DCHS2: variants seen among roughly 807,000 people sequenced by gnomAD.
DCHS2 encodes dachsous cadherin-related 2.
A neutral mutation model predicts 182.4 loss-of-function variants in DCHS2; 142 were observed. That is an observed-to-expected ratio of 0.78 (90% CI 0.68 to 0.89). The LOEUF (loss-of-function observed/expected upper bound fraction) is 0.89. Ranked by LOEUF, DCHS2 falls within the 40% of genes least tolerant of loss-of-function variation. The probability of loss-of-function intolerance (pLI) is 0.00; values close to 1 mark genes in which losing one functional copy is unlikely to be tolerated. For synonymous variants in DCHS2, 1,740 were observed against 1,663.3 expected (o/e 1.05, Z -1.12); for missense variants, 4,319 against 4,198.6 (o/e 1.03, Z -0.79).
chr4:154,377,177 A>T (rs544987152), intron 2 of DCHS2, 76 bp downstream of exon 2: 2 of 1,398,878 alleles, frequency 1.4e-6, no homozygotes, highest in Admixed American at 4.2e-5. Context: ...GTTGATCATC[A>T]TTGGTCCTCT....
intron 14 of DCHS2, chr4:154,269,396 T>C (rs1733462204): frequency 6.5e-6 from 1 of 153,640 alleles, no homozygotes; most frequent in South Asian, 2.1e-4. Flanking sequence ...TTTTAAACAG[T>C]AATGGTCTTA....
intron 1 of DCHS2, among the ~76,000 whole-genome samples, chr4:154,390,610 C>G (rs981339830): frequency 6.6e-6 from 1 of 152,040 alleles, no homozygotes; most frequent in Non-Finnish European, 1.5e-5. Flanking sequence ...ATGACGCCTA[C>G]TTTCCCAAGT....
At position 154,405,402 on chromosome 4, in the gene DCHS2, T is replaced by A. The variant is rs7681504; in HGVS notation, c.2053-27958A>T. 4.2e-3 allele frequency among the ~76,000 whole-genome samples: 642 copies of A among 151,488 alleles called. 3 individuals are homozygous for A. The highest frequency in any genetic ancestry group is 6.0e-3 in the Non-Finnish European group (408 of 67,860). The stretch of plus-strand genomic sequence containing the variant: ...AATGTTCCTAGATATGGACACTGAT[T>A]TTTTTTCCCAAATTTGGGAGATTAT... On this transcript the variant is annotated intron_variant, in intron 1 of 19. Coordinates refer to ENST00000357232, the MANE Select transcript of DCHS2 (RefSeq NM_001358235.2).
chr4:154,488,101 C>G (rs1248649372), intron 1 of DCHS2, among the ~76,000 whole-genome samples: 1 of 152,130 alleles, frequency 6.6e-6, no homozygotes, highest in Non-Finnish European at 1.5e-5. Flanking sequence ...TCACTTTACC[C>G]TGGGAGGTCC....
intron 13 of DCHS2, among the ~76,000 whole-genome samples, chr4:154,278,942 T>C (rs140883602): frequency 2.6e-5 from 4 of 152,174 alleles, no homozygotes; most frequent in East Asian, 3.9e-4. Flanking sequence ...CAAAAAAATA[T>C]ATACAGCACT....
In DCHS2 at chr4:154,364,634, A is replaced by G. The variant is rs10022173; in HGVS notation, c.2476+1576T>C. 6.8e-3 allele frequency among the ~76,000 whole-genome samples: 1,037 copies of G among 152,342 alleles called. 7 individuals carry two copies. The highest frequency in any genetic ancestry group is 0.024 in the African/African-American group (989 of 41,584). ...AAACAACTAATCCCTGGCCAGTTGC[A>G]CAAGCCAGACAAGGCACAGTTTCCA... is the stretch of plus-strand genomic sequence containing the variant. On this transcript the variant is annotated intron_variant, in intron 3 of 19. Coordinates refer to ENST00000357232, the MANE Select transcript of DCHS2 (RefSeq NM_001358235.2).
At chr4:154,253,694 G>A (rs1732502660) in intron 16 of DCHS2, among the ~76,000 whole-genome samples, 1 of 152,018 alleles carries the variant, frequency 6.6e-6, no homozygotes, top group African/African-American at 2.4e-5. Context: ...GTTAATACAG[G>A]ATAAAGTCTT....
chr4:154,310,775 T>A (rs1735644260), intron 10 of DCHS2, among the ~76,000 whole-genome samples: 1 of 152,152 alleles, frequency 6.6e-6, no homozygotes, highest in Non-Finnish European at 1.5e-5. Context: ...CATCATCTAG[T>A]TGGTAGAGAT....
chr4:154,418,462 A>G (rs1732965223), intron 1 of DCHS2, among the ~76,000 whole-genome samples: 1 of 152,224 alleles, frequency 6.6e-6, no homozygotes. Flanking sequence ...ACCATTTAGA[A>G]AGGATGATTA....
At chr4:154,363,771 C>T (rs1730228423) in intron 3 of DCHS2, among the ~76,000 whole-genome samples, 1 of 152,102 alleles carries the variant, frequency 6.6e-6, no homozygotes, top group Non-Finnish European at 1.5e-5. Flanking sequence ...GATTTAATCG[C>T]TTCACAATAT....
chr4:154,488,529 A>C (rs1423058337), intron 1 of DCHS2, among the ~76,000 whole-genome samples: 1 of 152,186 alleles, frequency 6.6e-6, no homozygotes, highest in Non-Finnish European at 1.5e-5. Context: ...GTGTATAAAG[A>C]TATACACTTG....
intron 1 of DCHS2, among the ~76,000 whole-genome samples, chr4:154,462,165 TTTGG>T (rs1481764526): frequency 1.3e-5 from 2 of 152,338 alleles, no homozygotes; most frequent in East Asian, 3.9e-4. Flanking sequence ...ATAGAGTATC[TTTGG>T]TTGCTCTTTG....
intron 3 of DCHS2, among the ~76,000 whole-genome samples, chr4:154,343,944 T>C (rs1729235361): frequency 6.6e-6 from 1 of 152,206 alleles, no homozygotes; most frequent in Non-Finnish European, 1.5e-5. Context: ...AAGAGAGAGA[T>C]ATGCCACTCT....
intron 15 of DCHS2, among the ~76,000 whole-genome samples, chr4:154,257,993 G>C (rs1430723049): frequency 6.6e-6 from 1 of 152,202 alleles, no homozygotes; most frequent in Admixed American, 6.5e-5. Flanking sequence ...GAAGTGAAAC[G>C]ATGCAGGGCC....
Position 154,236,924 on chromosome 4 carries a change from A to T in DCHS2, c.7728T>A (p.His2576Gln). Residue 2576 changes from histidine (H) to glutamine (Q), a missense_variant, in exon 20 of 20, where the codon CAT becomes CAA. His to Gln is a conservative substitution (Grantham distance 24). Coordinates refer to ENST00000357232, the MANE Select transcript of DCHS2 (RefSeq NM_001358235.2). ...CATATGTGTTTTCACGGGTCCAGTC[A>T]TGGTCGATGTTTGAAAATGTAACAA... ...STLVTFSNIDHDWTRENTYVE... is the reference protein window; with the variant it reads ...STLVTFSNIDQDWTRENTYVE... 1 of 1,614,094 alleles carries T rather than the reference A, an allele frequency of 6.2e-7. No homozygotes were observed. Among genetic ancestry groups the T allele is most frequent in the Non-Finnish European group, 8.5e-7 (1 of 1,179,948 alleles).
chr4:154,420,296 G>GATAT (rs1278969015), intron 1 of DCHS2, among the ~76,000 whole-genome samples: 1 of 150,812 alleles, frequency 6.6e-6, no homozygotes, highest in Admixed American at 6.6e-5. Flanking sequence ...TAGATAGATA[G>GATAT]ATAGATACGT....
rs1035150601 is a variant in DCHS2, at chr4:154,233,468, C to T, written c.*1068G>A. 5.9e-5 allele frequency: 9 copies of T among 152,126 alleles called. No homozygotes were observed. Among genetic ancestry groups the T allele is most frequent in the African/African-American group, 1.9e-4 (8 of 41,440 alleles). 9.4% of individuals were successfully genotyped at this position (152,126 alleles called of 1,614,324 possible). On this transcript the variant is annotated 3_prime_UTR_variant, in exon 20 of 20. Transcript: ENST00000357232. ...AAAGACTTCTGACTTCTATTCTTAA[C>T]TTTTATAGTAGAAACATTTCCATAA... is the stretch of plus-strand genomic sequence containing the variant.
rs766519860 is a variant in DCHS2 at position 154,373,961 on chromosome 4, A to T, written c.2244+3292T>A. The stretch of plus-strand genomic sequence containing the variant: ...TGTGTCATTCTCTGCTCATCCTGAA[A>T]ACAATGAATTGATCCTTTTTGGAGG... On this transcript the variant is annotated intron_variant, in intron 2 of 19. Coordinates refer to ENST00000357232, the MANE Select transcript of DCHS2 (RefSeq NM_001358235.2). 1.9e-6 allele frequency: 3 copies of T among 1,598,932 alleles called. No individual in the cohort carries two copies. The South Asian group carries it at 3.4e-5, about 18-fold the overall frequency.
At position 154,489,342 on chromosome 4, in the gene DCHS2, T is replaced by C. The variant is rs1441186229; in HGVS notation, c.2014A>G (p.Ile672Val). The C allele has an allele frequency of 1.0e-5, 16 of 1,544,142 alleles. No individual in the cohort carries two copies. Among genetic ancestry groups the C allele is most frequent in the Non-Finnish European group, 1.4e-5 (16 of 1,141,722 alleles). ...TGTCCAACCGGGGCATGCTCTGCAA[T>C]GGTGGCATTGTACACCTGCCTCCAG... is the stretch of plus-strand genomic sequence containing the variant. ...IFWRQVYNAT[I>V]AEHAPVGHCF... Residue 672 changes from isoleucine to valine, a missense_variant, in exon 1 of 20, where the codon ATT becomes GTT. Physicochemically the swap from Ile to Val is conservative, Grantham distance 29. Coordinates refer to ENST00000357232, the MANE Select transcript of DCHS2 (RefSeq NM_001358235.2).
Sources: gnomAD v4.1 joint callset for allele counts (sites outside exome capture counted in the v4.1 genomes callset) on GRCh38, gnomAD v4.1.1 for gene constraint, MANE v1.5 for transcripts, NCBI Gene and HGNC (gene_info 2026-07-23, HGNC 2026-07-21) for gene names.